The following SOBP variants were observed in gnomAD, a reference collection of about 807,000 sequenced individuals.
SOBP encodes sine oculis-binding protein homolog.
SOBP carries 4 observed loss-of-function variants against 53.6 expected under a neutral mutation model. That is an observed-to-expected ratio of 0.07 (90% confidence interval 0.04 to 0.17). The LOEUF is 0.17. SOBP is among the 10% of genes least tolerant of loss of function. The pLI, the probability that SOBP is intolerant of heterozygous loss-of-function variation, is 1.00. For synonymous variants in SOBP, 584 were observed against 522.6 expected, an observed-to-expected ratio of 1.12 and a Z score of -1.60; for missense variants, 1,088 against 1,204.7, an observed-to-expected ratio of 0.90 and a Z score of 1.43.
At chr6:107,519,859 A>C (rs930813577) in intron 3 of SOBP, among the ~76,000 whole-genome samples, 13 of 152,248 alleles carry the variant, frequency 8.5e-5, no homozygotes, top group African/African-American at 3.1e-4. Flanking sequence ...CTGGGATCAC[A>C]TGCCCATTAA....
chr6:107,623,474 A>G (rs1184563486), intron 5 of SOBP, among the ~76,000 whole-genome samples: 1 of 152,200 alleles, frequency 6.6e-6, no homozygotes, highest in Admixed American at 6.5e-5. Context: ...TCTACACTGC[A>G]AAGAGTAGGG....
intron 5 of SOBP, among the ~76,000 whole-genome samples, chr6:107,591,970 T>A (rs1329853774): frequency 5.6e-5 from 1 of 17,778 alleles, no homozygotes; most frequent in African/African-American, 8.9e-5. Context: ...CTTTTGGTGT[T>A]TTTTTTTTTT....
chr6:107,547,693 A>G (rs1784340067), intron 4 of SOBP, among the ~76,000 whole-genome samples: 1 of 152,194 alleles, frequency 6.6e-6, no homozygotes, highest in African/African-American at 2.4e-5. Flanking sequence ...AGTTGGCCAC[A>G]ATGGGGAAAG....
At chr6:107,509,121 G>A (rs897252882) in intron 3 of SOBP, among the ~76,000 whole-genome samples, 23 of 152,168 alleles carry the variant, frequency 1.5e-4, no homozygotes, top group Non-Finnish European at 2.5e-4. Flanking sequence ...AAGGCCGGGC[G>A]CAGTGGCTCA....
At chr6:107,504,618 G>A (rs1782931000) in intron 2 of SOBP, among the ~76,000 whole-genome samples, 1 of 152,200 alleles carries the variant, frequency 6.6e-6, no homozygotes, top group Admixed American at 6.5e-5. Context: ...CATCATCACT[G>A]GCAATTTGAT....
intron 5 of SOBP, among the ~76,000 whole-genome samples, chr6:107,618,430 A>G (rs1786877729): frequency 6.6e-6 from 1 of 152,132 alleles, no homozygotes; most frequent in African/African-American, 2.4e-5. Flanking sequence ...TGTGTCACTT[A>G]CTCTGGATAA....
At chr6:107,585,530 T>G (rs1785539492) in intron 4 of SOBP, among the ~76,000 whole-genome samples, 1 of 152,164 alleles carries the variant, frequency 6.6e-6, no homozygotes, top group African/African-American at 2.4e-5. Flanking sequence ...GAACAACAAT[T>G]AAACTTTTTT....
intron 4 of SOBP, among the ~76,000 whole-genome samples, chr6:107,566,263 G>A (rs538952508): frequency 6.6e-6 from 1 of 152,320 alleles, no homozygotes; most frequent in South Asian, 2.1e-4. Flanking sequence ...ATTTAATGCA[G>A]TGCCCAGTCC....
At chr6:107,618,822 G>A (rs928125620) in intron 5 of SOBP, among the ~76,000 whole-genome samples, 3 of 152,204 alleles carry the variant, frequency 2.0e-5, no homozygotes, top group African/African-American at 7.2e-5. Flanking sequence ...CACGCCATAG[G>A]TACTGGTATT....
chr6:107,586,434 T>A (rs182869622), intron 4 of SOBP, among the ~76,000 whole-genome samples: 339 of 152,332 alleles, frequency 2.2e-3, no homozygotes, highest in South Asian at 6.8e-3. Flanking sequence ...GTTCTGTTAA[T>A]GTCTCCATTT....
At chr6:107,636,935 A>T (rs1683894355) in intron 6 of SOBP, among the ~76,000 whole-genome samples, 1 of 152,220 alleles carries the variant, frequency 6.6e-6, no homozygotes, top group South Asian at 2.1e-4. Context: ...TTACCAAATT[A>T]GCAGAGTTGA....
chr6:107,538,134 T>A (rs1784056000), intron 4 of SOBP, among the ~76,000 whole-genome samples: 1 of 152,226 alleles, frequency 6.6e-6, no homozygotes, highest in African/African-American at 2.4e-5. Flanking sequence ...AGAACCCATC[T>A]CTAATTAGCA....
chr6:107,609,360 T>C (rs1013319431), intron 5 of SOBP, among the ~76,000 whole-genome samples: 3 of 152,126 alleles, frequency 2.0e-5, no homozygotes, highest in African/African-American at 7.2e-5. Context: ...CAGAGAGGTA[T>C]GTATAGGCTG....
intron 4 of SOBP, among the ~76,000 whole-genome samples, chr6:107,551,384 A>G (rs1784454330): frequency 6.6e-6 from 1 of 152,210 alleles, no homozygotes; most frequent in South Asian, 2.1e-4. Flanking sequence ...ATTATGAACC[A>G]GTAGTAAAAA....
chr6:107,511,116 A>T (rs1454661516), intron 3 of SOBP, among the ~76,000 whole-genome samples: 1 of 152,218 alleles, frequency 6.6e-6, no homozygotes, highest in East Asian at 1.9e-4. Flanking sequence ...AATAGGTTAA[A>T]TGGCTTTTTC....
intron 3 of SOBP, among the ~76,000 whole-genome samples, chr6:107,507,540 A>G (rs563236304): frequency 6.6e-6 from 1 of 152,264 alleles, no homozygotes; most frequent in African/African-American, 2.4e-5. Flanking sequence ...TCCTGACCTC[A>G]GGTGATCCAC....
At chr6:107,636,486 C>T (rs901290662) in intron 6 of SOBP, among the ~76,000 whole-genome samples, 4 of 152,132 alleles carry the variant, frequency 2.6e-5, no homozygotes, top group Non-Finnish European at 5.9e-5. Flanking sequence ...ATACTGTGCC[C>T]GAAGCAGAGC....
chr6:107,643,768 A>C (rs904028096), intron 6 of SOBP, among the ~76,000 whole-genome samples: 2 of 152,204 alleles, frequency 1.3e-5, no homozygotes, highest in African/African-American at 4.8e-5. Flanking sequence ...TCCCACTAGA[A>C]TACTATAATT....
intron 4 of SOBP, among the ~76,000 whole-genome samples, chr6:107,542,720 C>A (rs1315863827): frequency 6.6e-6 from 1 of 151,782 alleles, no homozygotes; most frequent in South Asian, 2.1e-4. Flanking sequence ...GTGTATTGAA[C>A]CAATTTAGTT....
Sources: gnomAD v4.1 joint callset for allele counts (sites outside exome capture counted in the v4.1 genomes callset) on GRCh38, gnomAD v4.1.1 for gene constraint, MANE v1.5 for transcripts, NCBI Gene and HGNC (gene_info 2026-07-23, HGNC 2026-07-21) for gene names.